Variants in TENM2 observed in about 807,000 individuals in gnomAD.
TENM2 encodes teneurin-2.
Under a neutral mutation model 245.2 loss-of-function variants are expected in TENM2, and 52 were observed. The ratio of observed to expected loss-of-function variants is 0.21; its 90% CI spans 0.17 to 0.27. The LOEUF (loss-of-function observed/expected upper bound fraction) is 0.27. Among genes scored for constraint, TENM2 ranks in the 10% least tolerant of loss-of-function variants. TENM2 has a pLI of 1.00. For missense variants in TENM2, 3,046 were observed against 3,666.8 expected, an observed-to-expected ratio of 0.83 and a Z score of 4.37; for synonymous variants, 1,363 against 1,438.9, an observed-to-expected ratio of 0.95 and a Z score of 1.19.
chr5:167,068,089 G>T, the TENM2 span, among the ~76,000 whole-genome samples: 1 of 152,316 alleles, frequency 6.6e-6, no homozygotes, highest in East Asian at 1.9e-4. Context: ...CTTTAGTAGA[G>T]AGACTTCTTT....
At chr5:167,017,100 G>C in the TENM2 span, among the ~76,000 whole-genome samples, 1 of 152,138 alleles carries the variant, frequency 6.6e-6, no homozygotes, top group African/African-American at 2.4e-5. Flanking sequence ...TTACAGAGGA[G>C]ATAACTGAAC....
intron 2 of TENM2, among the ~76,000 whole-genome samples, chr5:167,578,984 G>C (rs1774899608): frequency 6.6e-6 from 1 of 152,152 alleles, no homozygotes; most frequent in Admixed American, 6.5e-5. Context: ...GCCTATTCAG[G>C]TGGACACGGT....
chr5:167,176,036 A>C, the TENM2 span, among the ~76,000 whole-genome samples: 1 of 152,082 alleles, frequency 6.6e-6, no homozygotes, highest in East Asian at 1.9e-4. Context: ...TCAAATCAAA[A>C]CCTTTCCACG....
At chr5:167,485,888 T>G (rs935389576) in intron 2 of TENM2, among the ~76,000 whole-genome samples, 5 of 152,162 alleles carry the variant, frequency 3.3e-5, no homozygotes, top group Non-Finnish European at 1.5e-5. Context: ...AACCTAGGTA[T>G]GCATATATGC....
the TENM2 span, among the ~76,000 whole-genome samples, chr5:166,988,663 A>C: frequency 6.6e-6 from 1 of 152,248 alleles, no homozygotes; most frequent in African/African-American, 2.4e-5. Context: ...AGAATAACAG[A>C]GTCACCAAAA....
chr5:168,070,819 G>GAGAGAGAGAGAAAA (rs1554190596), intron 7 of TENM2, among the ~76,000 whole-genome samples: 4 of 111,490 alleles, frequency 3.6e-5, no homozygotes, highest in African/African-American at 1.4e-4. Flanking sequence ...GAGAGAGAGA[G>GAGAGAGAGAGAAAA]AAAAAAAGAA....
chr5:168,166,960 C>T (rs1359907235), intron 13 of TENM2, among the ~76,000 whole-genome samples: 2 of 152,102 alleles, frequency 1.3e-5, no homozygotes, highest in South Asian at 2.1e-4. Flanking sequence ...CTCATGTAAC[C>T]TCAGGAAGCA....
At chr5:167,320,307 A>G (rs1206328748) in intron 1 of TENM2, among the ~76,000 whole-genome samples, 2 of 152,172 alleles carry the variant, frequency 1.3e-5, no homozygotes, top group Non-Finnish European at 2.9e-5. Context: ...ATACAATAAA[A>G]CTAGTCCAGG....
chr5:167,904,837 T>G (rs1227891283), intron 3 of TENM2, among the ~76,000 whole-genome samples: 2 of 152,138 alleles, frequency 1.3e-5, no homozygotes, highest in African/African-American at 4.8e-5. Context: ...TGAAAATGCC[T>G]CATCTCAGAA....
chr5:168,080,056 G>C (rs921530611), intron 7 of TENM2, among the ~76,000 whole-genome samples: 3 of 152,124 alleles, frequency 2.0e-5, no homozygotes, highest in Non-Finnish European at 4.4e-5. Flanking sequence ...AATCTATCTG[G>C]TCCTAGACTT....
chr5:167,659,309 T>C (rs1395231833), intron 2 of TENM2, among the ~76,000 whole-genome samples: 1 of 152,232 alleles, frequency 6.6e-6, no homozygotes, highest in Non-Finnish European at 1.5e-5. Context: ...AAGTATTGTT[T>C]TAAAGGAGAG....
the TENM2 span, among the ~76,000 whole-genome samples, chr5:166,989,230 T>C: frequency 3.4e-5 from 5 of 149,172 alleles, no homozygotes; most frequent in African/African-American, 1.2e-4. Context: ...ATTATAGGCA[T>C]GTGCCACCAC....
chr5:167,225,378 T>C, the TENM2 span, among the ~76,000 whole-genome samples: 78 of 152,202 alleles, frequency 5.1e-4, no homozygotes, highest in African/African-American at 1.8e-3. Context: ...TATGAAGCGA[T>C]GTTGTGTTTT....
At chr5:167,813,682 C>T (rs1766816400) in intron 2 of TENM2, among the ~76,000 whole-genome samples, 1 of 152,110 alleles carries the variant, frequency 6.6e-6, no homozygotes, top group Admixed American at 6.6e-5. Context: ...TCCAACCTCC[C>T]CCTCCCTCTC....
intron 9 of TENM2, among the ~76,000 whole-genome samples, chr5:168,112,500 G>A (rs1794740867): frequency 6.6e-6 from 1 of 150,854 alleles, no homozygotes; most frequent in African/African-American, 2.4e-5. Flanking sequence ...AGTTTGCTAA[G>A]GATAATGGCC....
intron 13 of TENM2, 118 bp downstream of exon 15, chr5:168,162,875 C>T: frequency 7.8e-7 from 1 of 1,286,072 alleles, no homozygotes; most frequent in Non-Finnish European, 1.1e-6. Flanking sequence ...GTTGTTGTAA[C>T]ATTTTCTTTG....
chr5:167,808,311 GT>G (rs1423355006), intron 2 of TENM2, among the ~76,000 whole-genome samples: 1 of 152,176 alleles, frequency 6.6e-6, no homozygotes, highest in Non-Finnish European at 1.5e-5. Context: ...CCAGGCTGGA[GT>G]GCAGTGGCAC....
At chr5:168,147,968 G>A (rs1756255903) in intron 12 of TENM2, among the ~76,000 whole-genome samples, 3 of 152,364 alleles carry the variant, frequency 2.0e-5, no homozygotes, top group South Asian at 4.1e-4. Context: ...GGAAGGAATA[G>A]CAGAGGAAGA....
At chr5:167,392,333 T>C (rs1761806522) in intron 2 of TENM2, among the ~76,000 whole-genome samples, 1 of 152,176 alleles carries the variant, frequency 6.6e-6, no homozygotes, top group Admixed American at 6.5e-5. Flanking sequence ...TGGGTGTGCC[T>C]GAGAGGTTGT....
Sources: allele counts gnomAD v4.1 joint callset (sites outside exome capture counted in the v4.1 genomes callset), GRCh38; gene constraint gnomAD v4.1.1; transcripts MANE v1.5; gene names NCBI Gene and HGNC (gene_info 2026-07-23, HGNC 2026-07-21).